Variants in GPI observed in about 807,000 individuals in gnomAD.
The protein encoded by GPI is glucose-6-phosphate isomerase.
A neutral mutation model predicts 75.8 loss-of-function variants in GPI; 56 were observed. The observed-to-expected ratio is 0.74, with a 90% CI of 0.60 to 0.92. GPI has a LOEUF of 0.92. GPI is among the 40% of genes least tolerant of loss of function. The probability of loss-of-function intolerance (pLI) is 0.00; values close to 1 mark genes in which losing one functional copy is unlikely to be tolerated. For synonymous variants in GPI, 288 were observed against 285.4 expected (o/e 1.01, Z -0.09); for missense variants, 638 against 741.0 (o/e 0.86, Z 1.61).
chr19:34,393,918 A>G lies in GPI; in HGVS notation c.914A>G (p.Gln305Arg), dbSNP rs2074905260. Reference sequence around the variant, plus strand: ...CTCATCCTGCTCCTGTTTCAGGACCAGCACTTCCGCACGACGCCCCTGGAG... The same window carrying G: ...CTCATCCTGCTCCTGTTTCAGGACCGGCACTTCCGCACGACGCCCCTGGAG... ...QLLSGAHWMD[Q>R]HFRTTPLEKN... The change falls in exon 12 of 18, where the codon CAG (glutamine) becomes CGG (arginine). Residue 305 changes from glutamine (Q) to arginine (R), a missense_variant. Coordinates refer to ENST00000356487, the MANE Select transcript of GPI (RefSeq NM_000175.5). This position sits in a 1 kb window ranked among gnomAD's most constrained non-coding sequence, Gnocchi z 4.4. 3 of 1,613,370 alleles carry G rather than the reference A, an allele frequency of 1.9e-6. No homozygotes were observed. Among genetic ancestry groups the G allele is most frequent in the Non-Finnish European group, 2.5e-6 (3 of 1,179,908 alleles).
In GPI at chr19:34,396,375, G is replaced by A; in HGVS notation, c.1137G>A (p.Val379=). The part of the protein sequence containing the change: ...TRVDHQTGPI[V]WGEPGTNGQH... ...TGGACCACCAGACAGGCCCCATTGTGTGGGGGGAGCCAGGGACCAATGGCC... is the reference window on the plus strand; with the variant it reads ...TGGACCACCAGACAGGCCCCATTGTATGGGGGGAGCCAGGGACCAATGGCC... The change falls in exon 13 of 18, where the codon GTG becomes GTA. Residue 379 remains valine (V), a synonymous_variant. Coordinates refer to ENST00000356487, the MANE Select transcript of GPI (RefSeq NM_000175.5). 1 of 1,613,912 alleles carries A rather than the reference G, an allele frequency of 6.2e-7. No individual in the cohort carries two copies. The highest frequency in any genetic ancestry group is 8.5e-7 in the Non-Finnish European group (1 of 1,179,756).
chr19:34,365,259 G>C lies in GPI; in HGVS notation c.-8G>C. 1.9e-6 allele frequency: 3 copies of C among 1,565,146 alleles called. No homozygotes were observed. The highest frequency in any genetic ancestry group is 2.6e-6 in the Non-Finnish European group (3 of 1,159,218). On this transcript the variant is annotated 5_prime_UTR_variant, in exon 1 of 18. Transcript: ENST00000356487. ...CGCGTCTCACTCAGTGTACCTTCTA[G>C]TCCCGCCATGGCCGCTCTCACCCGG...
At chr19:34,392,121 G>GGGTCTGT (rs2074855444) in intron 9 of GPI, 1 of 524 alleles carries the variant, frequency 1.9e-3, no homozygotes. Flanking sequence ...AAGAGGATCT[G>GGGTCTGT]CATCTGTCAG....
intron 8 of GPI, among the ~76,000 whole-genome samples, chr19:34,380,021 C>T (rs1390594117): frequency 2.1e-5 from 2 of 96,778 alleles, no homozygotes; most frequent in African/African-American, 4.3e-5. Flanking sequence ...TTTTTTAAGA[C>T]AGTCTCACTC....
At chr19:34,390,912 A>G (rs1291844976) in intron 9 of GPI, among the ~76,000 whole-genome samples, 1 of 116,578 alleles carries the variant, frequency 8.6e-6, no homozygotes, top group Non-Finnish European at 1.8e-5. Context: ...TGGCACAGGT[A>G]TGAGGATCTG....
intron 12 of GPI, among the ~76,000 whole-genome samples, chr19:34,395,789 A>T (rs1385130045): frequency 6.6e-6 from 1 of 152,136 alleles, no homozygotes; most frequent in Non-Finnish European, 1.5e-5. Context: ...TCACGGTGTC[A>T]GGGCAGGGTG....
chr19:34,377,967 T>C (rs1195852829), intron 6 of GPI, 86 bp downstream of exon 6: 5 of 1,368,616 alleles, frequency 3.7e-6, no homozygotes, highest in Non-Finnish European at 4.2e-6. Context: ...CCCTGGCCAT[T>C]GGTCCCTTTT....
chr19:34,368,311 C>G (rs1242847952), intron 3 of GPI, among the ~76,000 whole-genome samples: 1 of 152,256 alleles, frequency 6.6e-6, no homozygotes, highest in African/African-American at 2.4e-5. Context: ...TGTTCATGCC[C>G]TGAGCATCTC....
upstream of GPI, among the ~76,000 whole-genome samples, chr19:34,361,044 T>G (rs138660866): frequency 6.6e-6 from 1 of 151,952 alleles, no homozygotes; most frequent in Non-Finnish European, 1.5e-5. Context: ...TCCCAAAGTG[T>G]TGGGATTACA....
chr19:34,369,282 C>T (rs1300211529), intron 4 of GPI, among the ~76,000 whole-genome samples: 1 of 152,066 alleles, frequency 6.6e-6, no homozygotes, highest in Non-Finnish European at 1.5e-5. Context: ...CCCCTGACCT[C>T]AGGTGATCTG....
chr19:34,385,880 C>T (rs2074727548), intron 9 of GPI, among the ~76,000 whole-genome samples: 1 of 152,140 alleles, frequency 6.6e-6, no homozygotes, highest in Non-Finnish European at 1.5e-5. Flanking sequence ...GTAGATCTGG[C>T]ATGCCAGGTG....
rs369098902 is a variant in GPI at position 34,377,489 on chromosome 19, C to T, written c.403-14C>T. ...TGGGGGTTTGGGCTGATGGCATCTT[C>T]GCCCCTGTGCCAGCGTGTCCGGAGC... On this transcript the variant is annotated splice_polypyrimidine_tract_variant and intron_variant, in intron 4 of 17. Transcript: ENST00000356487. 1.1e-5 allele frequency: 17 copies of T among 1,599,220 alleles called. No homozygotes were observed. The highest frequency in any genetic ancestry group is 5.5e-5 in the South Asian group (5 of 90,758).
chr19:34,373,538 C>G (rs2145344057), intron 4 of GPI, among the ~76,000 whole-genome samples: 1 of 123,416 alleles, frequency 8.1e-6, no homozygotes, highest in African/African-American at 3.1e-5. Context: ...GCCTGGGTGA[C>G]AGAGCAAGAT....
At chr19:34,389,016 C>A (rs1165635996) in intron 9 of GPI, among the ~76,000 whole-genome samples, 1 of 151,770 alleles carries the variant, frequency 6.6e-6, no homozygotes, top group South Asian at 2.1e-4. Context: ...TCACTTGAGC[C>A]CAGGAGTTTG....
intron 13 of GPI, 21 bp downstream of exon 13, chr19:34,396,451 A>C: frequency 1.9e-6 from 3 of 1,613,858 alleles, no homozygotes; most frequent in Non-Finnish European, 2.5e-6. Context: ...GTGGCCTGGG[A>C]AGGGTGATGT....
chr19:34,380,005 T>TTTTTTTTTTTTTTTG (rs1568336032), intron 8 of GPI: 1 of 212,432 alleles, frequency 4.7e-6, no homozygotes, highest in African/African-American at 2.6e-5. Flanking sequence ...TTTTTTTTTT[T>TTTTTTTTTTTTTTTG]TTTTTTTTTT....
chr19:34,365,703 C>T (rs1009168071), intron 1 of GPI: 1 of 547,748 alleles, frequency 1.8e-6, no homozygotes. Context: ...GCTCCTTTCG[C>T]AGTTGTGAAG....
At chr19:34,381,238 A>T (rs1401564980) in intron 8 of GPI, 2 of 604,360 alleles carry the variant, frequency 3.3e-6, no homozygotes, top group East Asian at 5.7e-5. Flanking sequence ...TGCAGGCACA[A>T]CGTCACTGGC....
chr19:34,379,418 ATC>A, intron 7 of GPI, 98 bp from the exon 8 acceptor site: 1 of 1,018,252 alleles, frequency 9.8e-7, no homozygotes, highest in South Asian at 1.3e-5. Context: ...AGGACTGGGA[ATC>A]TCAGTCCCAT....
Sources: allele counts gnomAD v4.1 joint callset (sites outside exome capture counted in the v4.1 genomes callset), GRCh38; gene constraint gnomAD v4.1.1; non-coding constraint Gnocchi (gnomAD v3.1); transcripts MANE v1.5; gene names NCBI Gene and HGNC (gene_info 2026-07-23, HGNC 2026-07-21).